C1orf21: variants seen among roughly 807,000 people sequenced by gnomAD.
C1orf21 encodes the protein uncharacterized protein C1orf21.
Under a neutral mutation model 18.7 loss-of-function variants are expected in C1orf21, and 3 were observed. That is an observed-to-expected ratio of 0.16 (90% CI 0.07 to 0.42). C1orf21 has a LOEUF of 0.42. Among genes scored for constraint, C1orf21 ranks in the 10% least tolerant of loss-of-function variants. C1orf21 has a pLI of 0.99. For missense variants in C1orf21, 104 were observed against 143.6 expected (o/e 0.72, Z 1.41); for synonymous variants, 41 against 46.4 (o/e 0.88, Z 0.47).
intron 1 of C1orf21, among the ~76,000 whole-genome samples, chr1:184,442,586 C>T (rs1656965684): frequency 6.6e-6 from 1 of 152,056 alleles, no homozygotes; most frequent in Admixed American, 6.6e-5. Context: ...ACATTAGTTT[C>T]CCCATGGCAT....
intron 1 of C1orf21, among the ~76,000 whole-genome samples, chr1:184,441,049 G>C (rs1347094661): frequency 1.3e-5 from 2 of 152,188 alleles, no homozygotes; most frequent in African/African-American, 2.4e-5. Context: ...CTTTTGGAGA[G>C]GCATCACGGG....
In C1orf21 at chr1:184,477,596, G is replaced by T. The variant is rs1657592186; in HGVS notation, c.87G>T (p.Val29=). The T allele has an allele frequency of 1.2e-6, 2 of 1,613,746 alleles. No individual in the cohort carries two copies. Among genetic ancestry groups the T allele is most frequent in the African/African-American group, 2.7e-5 (2 of 74,910 alleles). The part of the protein sequence containing the change: ...QKGKNYQNGD[V]FGDEYRIKPV... ...GGAAAAACTACCAGAACGGAGATGT[G>T]TTTGGCGGTGAGTCCTATCAAACTT... Residue 29 remains valine (V), a synonymous_variant, in exon 2 of 6, where the codon GTG becomes GTT. Transcript: ENST00000235307.
intron 1 of C1orf21, among the ~76,000 whole-genome samples, chr1:184,392,819 C>CTTTTTTTTTT (rs397861528): frequency 1.0e-5 from 1 of 96,822 alleles, no homozygotes; most frequent in Non-Finnish European, 1.9e-5. Flanking sequence ...GACATTCCTC[C>CTTTTTTTTTT]TTTTTTTTTT....
intron 3 of C1orf21, among the ~76,000 whole-genome samples, chr1:184,585,379 T>G (rs936600609): frequency 6.6e-6 from 1 of 152,240 alleles, no homozygotes; most frequent in Non-Finnish European, 1.5e-5. Context: ...CATTGTATTC[T>G]CCACTGCTGT....
At chr1:184,571,015 C>T (rs7530615) in intron 3 of C1orf21, among the ~76,000 whole-genome samples, 32,380 of 152,030 alleles carry the variant, frequency 0.21, 3,918 homozygotes, top group African/African-American at 0.33. Flanking sequence ...ACGGTAAGGC[C>T]GGGCGCGGTG....
intron 2 of C1orf21, among the ~76,000 whole-genome samples, chr1:184,502,748 C>A (rs1312787278): frequency 6.6e-6 from 1 of 152,064 alleles, no homozygotes; most frequent in African/African-American, 2.4e-5. Flanking sequence ...AATTTTCCTG[C>A]TTGTTACTTT....
At chr1:184,509,052 C>T (rs927383546) in intron 3 of C1orf21, among the ~76,000 whole-genome samples, 3 of 152,116 alleles carry the variant, frequency 2.0e-5, no homozygotes, top group African/African-American at 7.2e-5. Context: ...CAATCTCATC[C>T]TTAATAATAA....
chr1:184,599,992 TGAA>T (rs758980410), intron 5 of C1orf21, among the ~76,000 whole-genome samples: 134 of 152,342 alleles, frequency 8.8e-4, no homozygotes, highest in Non-Finnish European at 1.5e-3. Context: ...ACTGAAACGA[TGAA>T]GATCTTTTCT....
intron 3 of C1orf21, among the ~76,000 whole-genome samples, chr1:184,551,534 A>G (rs1658812694): frequency 6.6e-6 from 1 of 152,244 alleles, no homozygotes; most frequent in African/African-American, 2.4e-5. Flanking sequence ...TGGAAGGACC[A>G]GGATCTGGGC....
intron 1 of C1orf21, among the ~76,000 whole-genome samples, chr1:184,417,537 G>A (rs1371357223): frequency 6.6e-6 from 1 of 152,162 alleles, no homozygotes. Flanking sequence ...TTTAAGCAGG[G>A]ATTTAAAATT....
intron 1 of C1orf21, among the ~76,000 whole-genome samples, chr1:184,462,512 G>A (rs1571369566): frequency 2.0e-5 from 3 of 152,106 alleles, no homozygotes; most frequent in Non-Finnish European, 4.4e-5. Context: ...TTTGGCTGTT[G>A]AGGGCATAGA....
chr1:184,610,585 G>A (rs911673026), intron 5 of C1orf21, among the ~76,000 whole-genome samples: 2 of 152,166 alleles, frequency 1.3e-5, no homozygotes, highest in Non-Finnish European at 2.9e-5. Context: ...GGTGGCTCAC[G>A]CCTGTAATCC....
chr1:184,409,096 T>A (rs6700709), intron 1 of C1orf21, among the ~76,000 whole-genome samples: 55,928 of 151,960 alleles, frequency 0.37, 15,372 homozygotes, highest in African/African-American at 0.79. Flanking sequence ...TTTTTTGTTC[T>A]TTCTTTCTCA....
At chr1:184,390,430 A>G (rs1006447417) in intron 1 of C1orf21, among the ~76,000 whole-genome samples, 1 of 152,186 alleles carries the variant, frequency 6.6e-6, no homozygotes, top group African/African-American at 2.4e-5. Context: ...TTACAATGCA[A>G]GTTTACATGA....
At chr1:184,594,132 TAAC>T (rs1659482660) in intron 4 of C1orf21, among the ~76,000 whole-genome samples, 1 of 152,112 alleles carries the variant, frequency 6.6e-6, no homozygotes, top group Non-Finnish European at 1.5e-5. Context: ...AAAAAATAAT[TAAC>T]AAAATAAATA....
chr1:184,502,246 AG>A (rs1222737673), intron 2 of C1orf21, among the ~76,000 whole-genome samples: 1 of 152,188 alleles, frequency 6.6e-6, no homozygotes, highest in African/African-American at 2.4e-5. Flanking sequence ...ATCTGATGAG[AG>A]TCCGCTTGTG....
intron 3 of C1orf21, among the ~76,000 whole-genome samples, chr1:184,578,388 T>C (rs1405438058): frequency 6.6e-6 from 1 of 152,214 alleles, no homozygotes; most frequent in Non-Finnish European, 1.5e-5. Context: ...TTTGTCTCAT[T>C]TGATAATCAG....
chr1:184,497,712 T>C (rs1168420677), intron 2 of C1orf21, among the ~76,000 whole-genome samples: 1 of 152,244 alleles, frequency 6.6e-6, no homozygotes. Flanking sequence ...AGTTTCTTCC[T>C]ATTTCGTTAA....
In C1orf21 at chr1:184,625,045, G is replaced by A. The variant is rs772397652; in HGVS notation, c.*5489G>A. 1.3e-5 allele frequency: 2 copies of A among 152,206 alleles called. No individual in the cohort carries two copies. Among genetic ancestry groups the A allele is most frequent in the Non-Finnish European group, 2.9e-5 (2 of 68,046 alleles). 9.4% of individuals were successfully genotyped at this position (152,206 alleles called of 1,614,324 possible). ...AGCTGTCATGTCCCTTCAAGATGAT[G>A]TGGGAAATGGCCCTTACAACTTGGG... On this transcript the variant is annotated 3_prime_UTR_variant, in exon 6 of 6. Transcript: ENST00000235307.
Sources: allele counts gnomAD v4.1 joint callset (sites outside exome capture counted in the v4.1 genomes callset), GRCh38; gene constraint gnomAD v4.1.1; transcripts MANE v1.5; gene names NCBI Gene and HGNC (gene_info 2026-07-23, HGNC 2026-07-21).